The following RABGAP1 variants were observed in gnomAD, a reference collection of about 807,000 sequenced individuals.
RABGAP1 encodes rab GTPase-activating protein 1.
In RABGAP1, 23 loss-of-function variants were observed where a neutral mutation model predicts 137.6. The ratio of observed to expected loss-of-function variants is 0.17; its 90% CI spans 0.12 to 0.24. RABGAP1 has a LOEUF of 0.24. Ranked by LOEUF, RABGAP1 falls within the 10% of genes least tolerant of loss-of-function variation. RABGAP1 has a pLI of 1.00. For missense variants in RABGAP1, 906 were observed against 1,275.8 expected (o/e 0.71, Z 4.42); for synonymous variants, 451 against 450.7 (o/e 1.00, Z -0.01).
chr9:123,102,645 T>C (rs767605599), intron 25 of RABGAP1, among the ~76,000 whole-genome samples: 34 of 151,290 alleles, frequency 2.2e-4, no homozygotes, highest in South Asian at 4.2e-4. Context: ...AGGAGGAGAG[T>C]GGCTGCCCAG....
chr9:122,966,362 C>CA (rs1338570353), intron 2 of RABGAP1, among the ~76,000 whole-genome samples: 1 of 151,610 alleles, frequency 6.6e-6, no homozygotes. Flanking sequence ...CTATTTCTAC[C>CA]AAAAATACAA....
intron 11 of RABGAP1, among the ~76,000 whole-genome samples, chr9:123,014,142 T>C (rs1467970033): frequency 6.6e-6 from 1 of 152,236 alleles, no homozygotes; most frequent in Non-Finnish European, 1.5e-5. Context: ...TTAAAAACTC[T>C]CTGAGTGTCA....
chr9:122,959,754 A>G (rs561904483), intron 2 of RABGAP1, among the ~76,000 whole-genome samples: 3 of 152,294 alleles, frequency 2.0e-5, no homozygotes, highest in East Asian at 3.9e-4. Flanking sequence ...CTATCTTCCA[A>G]AGCAGGAGCA....
intron 10 of RABGAP1, among the ~76,000 whole-genome samples, chr9:123,002,478 A>G (rs1261847766): frequency 6.6e-6 from 1 of 151,328 alleles, no homozygotes; most frequent in Non-Finnish European, 1.5e-5. Context: ...ATCTCATTTT[A>G]GTGAACATAA....
chr9:123,058,750 T>G (rs2132094808), intron 13 of RABGAP1, among the ~76,000 whole-genome samples: 1 of 152,334 alleles, frequency 6.6e-6, no homozygotes, highest in Middle Eastern at 3.4e-3. Context: ...AGTCACCCCT[T>G]TTTCTCTTGA....
In RABGAP1 at chr9:123,085,951, TTA is replaced by T. The variant is rs527707159; in HGVS notation, c.2425-3805_2425-3804del. ...CTTTGATTTGTTTAACATCCTATTTTTATGAGTCCCAACTACTTTCCAAGCAT... is the reference window on the plus strand; with the variant it reads ...CTTTGATTTGTTTAACATCCTATTTTTGAGTCCCAACTACTTTCCAAGCAT... On this transcript the variant is annotated intron_variant, in intron 19 of 25. Coordinates refer to ENST00000373647, the MANE Select transcript of RABGAP1 (RefSeq NM_012197.4). Among the ~76,000 whole-genome samples, 364 of 152,332 alleles carry T rather than the reference TTA, an allele frequency of 2.4e-3. 3 individuals carry two copies. The highest frequency in any genetic ancestry group is 4.3e-3 in the Non-Finnish European group (295 of 68,024).
chr9:123,031,462 T>G (rs557906127), intron 13 of RABGAP1, among the ~76,000 whole-genome samples: 15 of 152,186 alleles, frequency 9.9e-5, no homozygotes, highest in South Asian at 2.1e-4. Context: ...TCTTGAACAA[T>G]GGGGTACAAT....
chr9:123,039,008 G>T (rs966140810), intron 13 of RABGAP1, among the ~76,000 whole-genome samples: 2 of 152,144 alleles, frequency 1.3e-5, no homozygotes, highest in African/African-American at 4.8e-5. Context: ...ATACCTCATA[G>T]GGTTAGTTTG....
intron 19 of RABGAP1, among the ~76,000 whole-genome samples, chr9:123,080,893 C>T (rs565674351): frequency 3.2e-4 from 48 of 152,170 alleles, no homozygotes; most frequent in African/African-American, 1.1e-3. Context: ...TGGTATGAAC[C>T]GCATGGGTCC....
Position 123,018,799 on chromosome 9 carries a change from C to T in RABGAP1, c.1644-1510C>T, listed in dbSNP as rs570125504. Among the ~76,000 whole-genome samples the T allele has an allele frequency of 4.6e-5, 7 of 152,220 alleles. 1 individual carries two copies. In the South Asian group the frequency reaches 1.5e-3, roughly 32 times the overall value. ...GAACATTTTGAGAAAAATCACAGGC[C>T]TTTTTATAATTTGATAGTGGTTATT... On this transcript the variant is annotated intron_variant, in intron 12 of 25. Transcript: ENST00000373647.
At chr9:122,934,086 T>C in the RABGAP1 span, among the ~76,000 whole-genome samples, 1,090 of 150,698 alleles carry the variant, frequency 7.2e-3, 10 homozygotes, top group South Asian at 0.023. Flanking sequence ...CTTTTCTTTT[T>C]TTTTTTTTTG....
chr9:123,095,308 T>C (rs74828417), intron 21 of RABGAP1, among the ~76,000 whole-genome samples: 2,479 of 152,158 alleles, frequency 0.016, 35 homozygotes, highest in South Asian at 0.066. Flanking sequence ...GATTTCTGCT[T>C]TTACTTTCTT....
In RABGAP1 at chr9:123,078,060, G is replaced by C. The variant is rs1445070149; in HGVS notation, c.2424+1298G>C. 2.0e-5 allele frequency among the ~76,000 whole-genome samples: 3 copies of C among 152,176 alleles called. No homozygotes were observed. The East Asian group carries it at 5.8e-4, about 29-fold the overall frequency. On this transcript the variant is annotated intron_variant, in intron 19 of 25. Coordinates refer to ENST00000373647, the MANE Select transcript of RABGAP1 (RefSeq NM_012197.4). Reference sequence around the variant, plus strand: ...TATGGAACTATGTGTAGCTATTAGGGGTTTAATGCTCACACAGACATAGTG... The same window carrying C: ...TATGGAACTATGTGTAGCTATTAGGCGTTTAATGCTCACACAGACATAGTG...
intron 2 of RABGAP1, among the ~76,000 whole-genome samples, chr9:122,979,037 C>T (rs1030014750): frequency 6.6e-6 from 1 of 151,872 alleles, no homozygotes; most frequent in African/African-American, 2.4e-5. Context: ...TAGCTGAGAC[C>T]AAGGTGTGTG....
At chr9:122,990,264 AT>A in intron 6 of RABGAP1, 51 bp downstream of exon 6, 1 of 1,452,616 alleles carries the variant, frequency 6.9e-7, no homozygotes, top group Non-Finnish European at 9.4e-7. Context: ...TTCAGGGGAA[AT>A]TCTAGGTCAG....
chr9:122,952,619 C>T (rs1834313594), intron 1 of RABGAP1, among the ~76,000 whole-genome samples: 1 of 152,026 alleles, frequency 6.6e-6, no homozygotes, highest in African/African-American at 2.4e-5. Flanking sequence ...ACTTGTGGTC[C>T]TAGCTACTCA....
chr9:123,012,935 A>G (rs888779526), intron 11 of RABGAP1, among the ~76,000 whole-genome samples: 1 of 152,182 alleles, frequency 6.6e-6, no homozygotes, highest in Non-Finnish European at 1.5e-5. Context: ...AAATGATTAC[A>G]TTTCTCTCGA....
chr9:123,047,365 A>G (rs1356425323), intron 13 of RABGAP1, among the ~76,000 whole-genome samples: 1 of 152,208 alleles, frequency 6.6e-6, no homozygotes, highest in African/African-American at 2.4e-5. Context: ...ATGGAAGATC[A>G]TAAGTTGTCT....
At chr9:123,073,234 C>G (rs1024389859) in intron 15 of RABGAP1, among the ~76,000 whole-genome samples, 1 of 152,198 alleles carries the variant, frequency 6.6e-6, no homozygotes, top group Non-Finnish European at 1.5e-5. Context: ...TTCTGACTGC[C>G]TTAGGCAGAT....
Sources: gnomAD v4.1 joint callset for allele counts (sites outside exome capture counted in the v4.1 genomes callset) on GRCh38, gnomAD v4.1.1 for gene constraint, MANE v1.5 for transcripts, NCBI Gene and HGNC (gene_info 2026-07-23, HGNC 2026-07-21) for gene names.